The following RIC8A variants were observed in gnomAD, a reference collection of about 807,000 sequenced individuals.
RIC8A encodes the protein RIC8 guanine nucleotide exchange factor A, also known as chaperone Ric-8A.
A neutral mutation model predicts 48.4 loss-of-function variants in RIC8A; 37 were observed. That is an observed-to-expected ratio of 0.77 (90% CI 0.59 to 1.01). The LOEUF is 1.01. RIC8A is among the 50% of genes least tolerant of loss of function. The pLI, the probability that RIC8A is intolerant of heterozygous loss-of-function variation, is 0.00. For missense variants in RIC8A, 681 were observed against 696.8 expected, an observed-to-expected ratio of 0.98 and a Z score of 0.25; for synonymous variants, 288 against 283.4, an observed-to-expected ratio of 1.02 and a Z score of -0.16.
chr11:211,367 G>C lies in RIC8A; in HGVS notation c.969+18G>C, dbSNP rs537638200. The C allele has an allele frequency of 1.9e-6, 3 of 1,609,438 alleles. No homozygotes were observed. In the South Asian group the frequency reaches 3.3e-5, roughly 18 times the overall value. On this transcript the variant is annotated intron_variant, in intron 5 of 9. Coordinates refer to ENST00000526104, the MANE Select transcript of RIC8A (RefSeq NM_001286134.2). The surrounding 1 kb of genome is among the most constrained non-coding windows in gnomAD (Gnocchi z 4.0). ...TGCACAAGGTAGGCTGGGGATGGCT[G>C]TGCAGGCTCCCCCAGTGGCTCTGGC...
At chr11:213,894 C>T in intron 9 of RIC8A, 1 of 318,308 alleles carries the variant, frequency 3.1e-6, no homozygotes, top group South Asian at 3.1e-5. Flanking sequence ...TTGCAGTGAG[C>T]TGACATTGTG....
At position 211,707 on chromosome 11, in the gene RIC8A, A is replaced by C; in HGVS notation, c.969+358A>C. On this transcript the variant is annotated intron_variant, in intron 5 of 9. Transcript: ENST00000526104. The surrounding 1 kb of genome is among the most constrained non-coding windows in gnomAD (Gnocchi z 4.0). ...CAGCATCCTGAGGAGACCCATAGGA[A>C]CCTCAGATCAAAGCTTCCTTCTGAT... 1 of 178,208 alleles carries C rather than the reference A, an allele frequency of 5.6e-6. No individual in the cohort carries two copies. Among genetic ancestry groups the C allele is most frequent in the East Asian group, 1.5e-4 (1 of 6,500 alleles). The allele number at this position is 178,208 out of a possible 1,614,324, so 11.0% of individuals were successfully genotyped here.
At chr11:210,744 C>T in intron 4 of RIC8A, 82 bp downstream of exon 4, 1 of 1,274,216 alleles carries the variant, frequency 7.8e-7, no homozygotes, top group Non-Finnish European at 1.1e-6. Context: ...GAACCAGAAC[C>T]ACCTGAGAGC....
Position 208,688 on chromosome 11 carries a change from CTTAAAGCGCCACCAGACGCTGCGCCCCG to C in RIC8A, c.-147_-120del, listed in dbSNP as rs375785098. 1,532 of 530,014 alleles carry C rather than the reference CTTAAAGCGCCACCAGACGCTGCGCCCCG, an allele frequency of 2.9e-3. 11 individuals are homozygous for C. The highest frequency in any genetic ancestry group is 7.4e-3 in the South Asian group (278 of 37,378). The allele number at this position is 530,014 out of a possible 1,614,324, so 32.8% of individuals were successfully genotyped here. ...CCAGTTCTGCCTCAGGCCGCGCCCCCTTAAAGCGCCACCAGACGCTGCGCCCCGTTAAAGCGCCACCAGACGCCGCGCC... is the reference window on the plus strand; with the variant it reads ...CCAGTTCTGCCTCAGGCCGCGCCCCCTTAAAGCGCCACCAGACGCCGCGCC... On this transcript the variant is annotated 5_prime_UTR_variant, in exon 1 of 10. Transcript: ENST00000526104. The surrounding 1 kb of genome is among the most constrained non-coding windows in gnomAD (Gnocchi z 4.8).
At position 214,500 on chromosome 11, in the gene RIC8A, T is replaced by TTGTTCCTG; in HGVS notation, c.*151_*152insGTTCCTGT. 5.2e-6 allele frequency: 5 copies of TTGTTCCTG among 959,478 alleles called. No individual in the cohort carries two copies. The highest frequency in any genetic ancestry group is 4.8e-6 in the Non-Finnish European group (3 of 620,250). The allele number at this position is 959,478 out of a possible 1,614,324, so 59.4% of individuals were successfully genotyped here. A position where few individuals can be genotyped will look rare whatever the true frequency, so the allele number is the denominator to read the frequency against. On this transcript the variant is annotated 3_prime_UTR_variant, in exon 10 of 10. Transcript: ENST00000526104. ...ACCCCTTCTCTTGACTCCCGTTCTG[T>TTGTTCCTG]TCATGATTTGCCTCTGGTCCAGTTT...
intron 2 of RIC8A, 42 bp from the exon 3 acceptor site, chr11:209,365 G>A (rs1564798368): frequency 1.9e-6 from 3 of 1,601,910 alleles, no homozygotes; most frequent in Middle Eastern, 1.7e-4. Context: ...GGTGGCCCCA[G>A]GAAGAAGGGC....
Position 211,178 on chromosome 11 carries a change from C to T in RIC8A, c.819-21C>T. ...CTCAGGGATTAGCCCTGTTGAAACC[C>T]CTACCTCCATCTGTCCCCAGCCACG... On this transcript the variant is annotated intron_variant, in intron 4 of 9. Coordinates refer to ENST00000526104, the MANE Select transcript of RIC8A (RefSeq NM_001286134.2). The surrounding 1 kb of genome is among the most constrained non-coding windows in gnomAD (Gnocchi z 4.0). 3 of 1,606,752 alleles carry T rather than the reference C, an allele frequency of 1.9e-6. No individual in the cohort carries two copies. Among genetic ancestry groups the T allele is most frequent in the South Asian group, 1.1e-5 (1 of 90,054 alleles).
chr11:213,231 T>C (rs968035603), intron 8 of RIC8A, 68 bp from the exon 9 acceptor site: 34 of 1,594,812 alleles, frequency 2.1e-5, no homozygotes, highest in Non-Finnish European at 2.8e-5. Flanking sequence ...ACTGGGAAAA[T>C]AGGTGGCTTG....
At position 212,840 on chromosome 11, in the gene RIC8A, C is replaced by T. The variant is rs201112636; in HGVS notation, c.1214C>T (p.Pro405Leu). The T allele has an allele frequency of 2.6e-4, 422 of 1,605,296 alleles. 2 individuals carry two copies. Among genetic ancestry groups the T allele is most frequent in the Non-Finnish European group, 3.3e-4 (382 of 1,175,080 alleles). Residue 405 changes from proline (P) to leucine (L), a missense_variant, in exon 8 of 10, where the codon CCC becomes CTC. Physicochemically the swap from Pro to Leu is moderately conservative, Grantham distance 98 (BLOSUM62 -3). Transcript: ENST00000526104. ...TGACCTCTGCCTTGCCCCTCAGTGCCCCGATTCATCAAGTACACAGGCTAT... is the reference window on the plus strand; with the variant it reads ...TGACCTCTGCCTTGCCCCTCAGTGCTCCGATTCATCAAGTACACAGGCTAT... Reference protein sequence around the residue: ...FLFVLCSESVPRFIKYTGYGN... With the variant: ...FLFVLCSESVLRFIKYTGYGN...
intron 4 of RIC8A, 133 bp downstream of exon 4, chr11:210,795 T>A (rs1855338458): frequency 3.7e-6 from 3 of 814,788 alleles, no homozygotes; most frequent in South Asian, 1.5e-5. Context: ...TCTGGGTGAG[T>A]GAGACTGGAC....
chr11:208,984 G>T lies in RIC8A; in HGVS notation c.84+46G>T. On this transcript the variant is annotated intron_variant, in intron 1 of 9. Coordinates refer to ENST00000526104, the MANE Select transcript of RIC8A (RefSeq NM_001286134.2). This position sits in a 1 kb window ranked among gnomAD's most constrained non-coding sequence, Gnocchi z 4.8. ...GGGGGGCGGGCACGGAGGGGGTGGG[G>T]CAGGGTCGTGCGCGGGTAGCAGGGA... 1 of 1,219,574 alleles carries T rather than the reference G, an allele frequency of 8.2e-7. No individual in the cohort carries two copies. The highest frequency in any genetic ancestry group is 2.5e-5 in the East Asian group (1 of 40,540). 75.5% of individuals were successfully genotyped at this position (1,219,574 alleles called of 1,614,324 possible). A position where few individuals can be genotyped will look rare whatever the true frequency, so the allele number is the denominator to read the frequency against.
chr11:212,538 T>C (rs1420214731), intron 6 of RIC8A, 27 bp downstream of exon 6: 55 of 1,612,812 alleles, frequency 3.4e-5, no homozygotes, highest in Non-Finnish European at 4.7e-5. Context: ...CTGGTGCTCC[T>C]GGGGGATGTG....
At chr11:210,185 G>A (rs1199179663) in intron 3 of RIC8A, among the ~76,000 whole-genome samples, 185 bp downstream of exon 3, 1 of 152,230 alleles carries the variant, frequency 6.6e-6, no homozygotes, top group East Asian at 1.9e-4. Flanking sequence ...AGGCTTCTGA[G>A]GGAAGTAGAG....
At position 210,008 on chromosome 11, in the gene RIC8A, C is replaced by G. The variant is rs1855309865; in HGVS notation, c.726+8C>G. 1 of 1,572,728 alleles carries G rather than the reference C, an allele frequency of 6.4e-7. No individual in the cohort carries two copies. Among genetic ancestry groups the G allele is most frequent in the African/African-American group, 1.3e-5 (1 of 74,482 alleles). On this transcript the variant is annotated splice_region_variant and intron_variant, in intron 3 of 9. Transcript: ENST00000526104. ...AAGGGGGAGGTGGACGAGGTGAGCACTGACCTTAACCCATGGATGGGTCTC... is the reference window on the plus strand; with the variant it reads ...AAGGGGGAGGTGGACGAGGTGAGCAGTGACCTTAACCCATGGATGGGTCTC...
intron 5 of RIC8A, 140 bp from the exon 6 acceptor site, chr11:212,276 A>G (rs1443798948): frequency 1.3e-6 from 1 of 764,356 alleles, no homozygotes; most frequent in Admixed American, 2.3e-5. Flanking sequence ...GACTAACTGC[A>G]GAGGGGCCTC....
chr11:210,543 T>C (rs761884494), intron 3 of RIC8A, 28 bp from the exon 4 acceptor site: 2 of 1,607,424 alleles, frequency 1.2e-6, no homozygotes, highest in South Asian at 1.1e-5. Context: ...GTGGGGCTCC[T>C]CACAGGAACC....
intron 1 of RIC8A, 130 bp from the exon 2 acceptor site, chr11:209,141 G>T (rs1408954109): frequency 5.9e-6 from 7 of 1,188,242 alleles, no homozygotes; most frequent in Admixed American, 1.7e-5. Flanking sequence ...TAGGGATGGG[G>T]GCGAGTGCCG....
At position 208,633 on chromosome 11, in the gene RIC8A, C is replaced by T. The variant is rs971576691; in HGVS notation, c.-222C>T. Reference sequence around the variant, plus strand: ...AGTTCGGTTCAGAGCGACTCAGCCCCTCGACTCGGGTCTTAAAACCTCCGA... The same window carrying T: ...AGTTCGGTTCAGAGCGACTCAGCCCTTCGACTCGGGTCTTAAAACCTCCGA... On this transcript the variant is annotated 5_prime_UTR_variant, in exon 1 of 10. Coordinates refer to ENST00000526104, the MANE Select transcript of RIC8A (RefSeq NM_001286134.2). This position sits in a 1 kb window ranked among gnomAD's most constrained non-coding sequence, Gnocchi z 4.8. 8.5e-6 allele frequency: 4 copies of T among 468,968 alleles called. No individual in the cohort carries two copies. The highest frequency in any genetic ancestry group is 1.5e-5 in the Non-Finnish European group (4 of 268,026). The allele number at this position is 468,968 out of a possible 1,614,324, so 29.1% of individuals were successfully genotyped here.
chr11:214,390 GCTTCCAGAGA>G lies in RIC8A; in HGVS notation c.*46_*55del. 6.4e-7 allele frequency: 1 copy of G among 1,559,432 alleles called. No homozygotes were observed. Among genetic ancestry groups the G allele is most frequent in the Non-Finnish European group, 8.7e-7 (1 of 1,151,038 alleles). On this transcript the variant is annotated 3_prime_UTR_variant, in exon 10 of 10. Coordinates refer to ENST00000526104, the MANE Select transcript of RIC8A (RefSeq NM_001286134.2). Reference sequence around the variant, plus strand: ...CTGCTCCCCCATCAGGACTGGTGCTGCTTCCAGAGACTTCCTTGGGGTTGCAACCTGGGGA... The same window carrying G: ...CTGCTCCCCCATCAGGACTGGTGCTGCTTCCTTGGGGTTGCAACCTGGGGA...
Sources: gnomAD v4.1 joint callset for allele counts (sites outside exome capture counted in the v4.1 genomes callset) on GRCh38, gnomAD v4.1.1 for gene constraint, Gnocchi (gnomAD v3.1) non-coding constraint, MANE v1.5 for transcripts, NCBI Gene and HGNC (gene_info 2026-07-23, HGNC 2026-07-21) for gene names.